The following EP300 variants were observed in gnomAD, a reference collection of about 807,000 sequenced individuals.
EP300 encodes the protein histone acetyltransferase p300.
A neutral mutation model predicts 264.0 loss-of-function variants in EP300; 31 were observed. The observed-to-expected ratio is 0.12, with a 90% CI of 0.09 to 0.16. The LOEUF (loss-of-function observed/expected upper bound fraction) is 0.16. Ranked by LOEUF, EP300 falls within the 10% of genes least tolerant of loss-of-function variation. The pLI is 1.00. For missense variants in EP300, 2,766 were observed against 3,052.9 expected (o/e 0.91, Z 2.21); for synonymous variants, 1,340 against 1,045.4 (o/e 1.28, Z -5.44).
Position 41,178,412 on chromosome 22 carries a change from T to C in EP300, c.6701T>C (p.Met2234Thr). 6.2e-7 allele frequency: 1 copy of C among 1,613,988 alleles called. No homozygotes were observed. Among genetic ancestry groups the C allele is most frequent in the Non-Finnish European group, 8.5e-7 (1 of 1,180,000 alleles). Reference protein sequence around the residue: ...QQRMQHHMQQMQQGNMGQIGQ... With the variant: ...QQRMQHHMQQTQQGNMGQIGQ... The stretch of plus-strand genomic sequence containing the variant: ...CGGATGCAGCATCACATGCAACAGA[T>C]GCAACAAGGAAATATGGGACAGATA... Residue 2234 changes from methionine (M) to threonine (T), a missense_variant, in exon 31 of 31, where the codon ATG becomes ACG. Met to Thr is a moderately conservative substitution (Grantham distance 81). Coordinates refer to ENST00000263253, the MANE Select transcript of EP300 (RefSeq NM_001429.4).
At chr22:41,104,183 C>T (rs2058745807) in intron 1 of EP300, among the ~76,000 whole-genome samples, 1 of 152,066 alleles carries the variant, frequency 6.6e-6, no homozygotes, top group Non-Finnish European at 1.5e-5. Flanking sequence ...AAGAAATGTT[C>T]AGTGACAGTT....
chr22:41,097,998 A>T (rs1010267933), intron 1 of EP300, among the ~76,000 whole-genome samples: 19 of 147,600 alleles, frequency 1.3e-4, no homozygotes, highest in South Asian at 2.2e-4. Context: ...CCAGCTAAAA[A>T]TTTTTTTTTT....
chr22:41,099,644 C>T (rs1160818013), intron 1 of EP300, among the ~76,000 whole-genome samples: 1 of 151,928 alleles, frequency 6.6e-6, no homozygotes, highest in Non-Finnish European at 1.5e-5. Flanking sequence ...TTTTTCATTC[C>T]TTATTAAGTC....
intron 1 of EP300, among the ~76,000 whole-genome samples, chr22:41,093,715 C>T (rs116550733): frequency 6.6e-6 from 1 of 152,110 alleles, no homozygotes; most frequent in South Asian, 2.1e-4. Flanking sequence ...GAGCGCAGTT[C>T]ATTTCACATC....
In EP300 at chr22:41,179,043, G is replaced by T. The variant is rs899324208; in HGVS notation, c.*87G>T. Reference sequence around the variant, plus strand: ...TGAAAACAATTTTTTTGAATCTTTCGTAGCCTAAAAGACAATTTTCCTTGG... The same window carrying T: ...TGAAAACAATTTTTTTGAATCTTTCTTAGCCTAAAAGACAATTTTCCTTGG... On this transcript the variant is annotated 3_prime_UTR_variant, in exon 31 of 31. Transcript: ENST00000263253. The T allele has an allele frequency of 1.3e-6, 2 of 1,519,522 alleles. No homozygotes were observed. Among genetic ancestry groups the T allele is most frequent in the African/African-American group, 2.7e-5 (2 of 72,756 alleles). 94.1% of individuals were successfully genotyped at this position (1,519,522 alleles called of 1,614,324 possible).
rs2059204671 is a variant in EP300 at position 41,177,045 on chromosome 22, G to A, written c.5334G>A (p.Gly1778=). 6.2e-7 allele frequency: 1 copy of A among 1,613,994 alleles called. No homozygotes were observed. The highest frequency in any genetic ancestry group is 1.3e-5 in the African/African-American group (1 of 74,884). The change falls in exon 31 of 31, where the codon GGG becomes GGA. Residue 1778 remains glycine (G), a synonymous_variant. Transcript: ENST00000263253. Reference sequence around the variant, plus strand: ...GTTGCAAACGGAAAACCAATGGCGGGTGCCCCATCTGCAAGCAGCTCATTG... The same window carrying A: ...GTTGCAAACGGAAAACCAATGGCGGATGCCCCATCTGCAAGCAGCTCATTG... ...TKGCKRKTNG[G]CPICKQLIAL...
chr22:41,122,444 G>A (rs773341372), intron 2 of EP300, among the ~76,000 whole-genome samples: 4 of 152,010 alleles, frequency 2.6e-5, no homozygotes, highest in Non-Finnish European at 5.9e-5. Flanking sequence ...GGGATTACAG[G>A]CGTGAGCCAC....
intron 1 of EP300, among the ~76,000 whole-genome samples, chr22:41,105,846 T>C (rs559822070): frequency 6.6e-6 from 1 of 152,356 alleles, no homozygotes; most frequent in Admixed American, 6.5e-5. Flanking sequence ...GATTTCAAAA[T>C]TCAACAGCTG....
chr22:41,100,784 T>C (rs1186874611), intron 1 of EP300, among the ~76,000 whole-genome samples: 2 of 152,130 alleles, frequency 1.3e-5, no homozygotes, highest in Non-Finnish European at 2.9e-5. Context: ...GATTTTGGTA[T>C]CTGCAGTGGA....
chr22:41,134,817 C>T (rs901087860), intron 6 of EP300, among the ~76,000 whole-genome samples: 10 of 152,158 alleles, frequency 6.6e-5, no homozygotes, highest in South Asian at 6.2e-4. Context: ...ACATGTACAG[C>T]GGTAATGGAA....
At position 41,178,145 on chromosome 22, in the gene EP300, T is replaced by TGCCCCAGCAGCA. The variant is rs779096859; in HGVS notation, c.6435_6446dup (p.Pro2150_Gln2153dup). 9.3e-6 allele frequency: 15 copies of TGCCCCAGCAGCA among 1,613,986 alleles called. No homozygotes were observed. The highest frequency in any genetic ancestry group is 1.3e-5 in the Non-Finnish European group (15 of 1,180,022). On this transcript the variant is annotated inframe_insertion, in exon 31 of 31. Coordinates refer to ENST00000263253, the MANE Select transcript of EP300 (RefSeq NM_001429.4). ...CAGGCGGGCGTTCAGAGGGCTGGCC[T>TGCCCCAGCAGCA]GCCCCAGCAGCAACCACAGCAGCAA... is the stretch of plus-strand genomic sequence containing the variant.
chr22:41,130,079 AT>A (rs1392001991), intron 5 of EP300, 76 bp downstream of exon 5: 1 of 1,050,028 alleles, frequency 9.5e-7, no homozygotes, highest in African/African-American at 1.6e-5. Context: ...GTACTACTTG[AT>A]TATGTGAGGG....
rs2059069436 is a variant in EP300, at chr22:41,155,090, G to A, written c.3238G>A (p.Asp1080Asn). The A allele has an allele frequency of 1.2e-6, 2 of 1,613,376 alleles. No homozygotes were observed. Among genetic ancestry groups the A allele is most frequent in the South Asian group, 1.1e-5 (1 of 91,072 alleles). Residue 1080 changes from aspartate (D) to asparagine (N), a missense_variant, in exon 17 of 31, where the codon GAC (aspartate) becomes AAC (asparagine). Transcript: ENST00000263253. ...PESLPFRQPV[D>N]PQLLGIPDYF... ...ATCCCTTCCCTTTCGTCAACCTGTGGACCCTCAGCTTTTAGGAATCCCTGT... is the reference window on the plus strand; with the variant it reads ...ATCCCTTCCCTTTCGTCAACCTGTGAACCCTCAGCTTTTAGGAATCCCTGT...
At position 41,170,653 on chromosome 22, in the gene EP300, CTTTT is replaced by C. The variant is rs35506286; in HGVS notation, c.4452+105_4452+108del. On this transcript the variant is annotated intron_variant, in intron 27 of 30. Transcript: ENST00000263253. ...TGCTGCTCTTTGTTCTGTCATTTAA[CTTTT>C]TTTTTTTTTTTTTTTTTTTTTTGAG... 3,976 of 387,194 alleles carry C rather than the reference CTTTT, an allele frequency of 0.01. 6 individuals carry two copies. The highest frequency in any genetic ancestry group is 0.04 in the African/African-American group (1,248 of 31,450). The allele number at this position is 387,194 out of a possible 1,614,324, so 24.0% of individuals were successfully genotyped here. A position where few individuals can be genotyped will look rare whatever the true frequency, so the allele number is the denominator to read the frequency against.
intron 14 of EP300, among the ~76,000 whole-genome samples, chr22:41,151,011 G>GTA (rs2145738843): frequency 6.6e-6 from 1 of 152,100 alleles, no homozygotes; most frequent in Non-Finnish European, 1.5e-5. Context: ...GGTTGGTTAT[G>GTA]TATATAATAA....
Position 41,128,597 on chromosome 22 carries a change from T to C in EP300, c.1168+849T>C, listed in dbSNP as rs150925997. On this transcript the variant is annotated intron_variant, in intron 4 of 30. Coordinates refer to ENST00000263253, the MANE Select transcript of EP300 (RefSeq NM_001429.4). Reference sequence around the variant, plus strand: ...ATCTCGGCTCACTGCAAACTCCACCTTCCAGGTTCATGCCATTCTCCCGCC... The same window carrying C: ...ATCTCGGCTCACTGCAAACTCCACCCTCCAGGTTCATGCCATTCTCCCGCC... 2.1e-3 allele frequency among the ~76,000 whole-genome samples: 326 copies of C among 152,254 alleles called. 1 individual carries two copies. The highest frequency in any genetic ancestry group is 0.014 in the Middle Eastern group (4 of 294).
chr22:41,124,985 T>A (rs1486123357), intron 2 of EP300, among the ~76,000 whole-genome samples: 2 of 152,094 alleles, frequency 1.3e-5, no homozygotes, highest in Non-Finnish European at 2.9e-5. Flanking sequence ...TTGCCGAGGC[T>A]GGAGTGCAGT....
intron 1 of EP300, among the ~76,000 whole-genome samples, chr22:41,115,955 T>C (rs2058818632): frequency 6.6e-6 from 1 of 152,232 alleles, no homozygotes; most frequent in African/African-American, 2.4e-5. Flanking sequence ...GTCTTTTGTA[T>C]CAGTTGTGTG....
chr22:41,170,311 T>C, intron 26 of EP300, 95 bp from the exon 27 acceptor site: 1 of 1,194,988 alleles, frequency 8.4e-7, no homozygotes, highest in South Asian at 1.3e-5. Flanking sequence ...GAAAAATTAT[T>C]GGTATCTATA....
Sources: allele counts gnomAD v4.1 joint callset (sites outside exome capture counted in the v4.1 genomes callset), GRCh38; gene constraint gnomAD v4.1.1; transcripts MANE v1.5; gene names NCBI Gene and HGNC (gene_info 2026-07-23, HGNC 2026-07-21).